Variants in ADAMTS18 observed in about 807,000 individuals in gnomAD.
ADAMTS18 encodes A disintegrin and metalloproteinase with thrombospondin motifs 18.
In ADAMTS18, 157 loss-of-function variants were observed where a neutral mutation model predicts 165.9. That is an observed-to-expected ratio of 0.95 (90% CI 0.83 to 1.08). ADAMTS18 has a LOEUF of 1.08. ADAMTS18 is among the 50% of genes least tolerant of loss of function. The pLI is 0.00. For missense variants in ADAMTS18, 2,040 were observed against 1,534.0 expected, an observed-to-expected ratio of 1.33 and a Z score of -5.51; for synonymous variants, 782 against 578.2, an observed-to-expected ratio of 1.35 and a Z score of -5.06.
At position 77,367,313 on chromosome 16, in the gene ADAMTS18, G is replaced by C. The variant is rs1567517281; in HGVS notation, c.778+128C>G. On this transcript the variant is annotated intron_variant, in intron 4 of 22. Transcript: ENST00000282849. ...ATTTGCCTGAGAGAGATAATTACTG[G>C]TCCTACACCAAGACAGATGCTCAGG... The C allele has an allele frequency of 3.1e-6, 3 of 980,860 alleles. No individual in the cohort carries two copies. The Admixed American group carries it at 5.8e-5, about 19-fold the overall frequency. The allele number at this position is 980,860 out of a possible 1,614,324, so 60.8% of individuals were successfully genotyped here.
chr16:77,420,324 G>A (rs2057585669), intron 3 of ADAMTS18, among the ~76,000 whole-genome samples: 1 of 152,026 alleles, frequency 6.6e-6, no homozygotes, highest in Admixed American at 6.6e-5. Context: ...TAAGATGATT[G>A]CATCTCTAAA....
intron 19 of ADAMTS18, 56 bp from the exon 20 acceptor site, chr16:77,293,314 TA>T (rs67517591): frequency 9.7e-3 from 10,804 of 1,109,504 alleles, no homozygotes; most frequent in Non-Finnish European, 0.011. Context: ...GTAGCCACAT[TA>T]AAAAAAAAAA....
rs764935211 is a variant in ADAMTS18 at position 77,335,721 on chromosome 16, G to A, written c.1859+35C>T. 1.5e-5 allele frequency: 25 copies of A among 1,613,686 alleles called. No homozygotes were observed. The South Asian group carries it at 2.4e-4, about 16-fold the overall frequency. On this transcript the variant is annotated intron_variant, in intron 12 of 22. Coordinates refer to ENST00000282849, the MANE Select transcript of ADAMTS18 (RefSeq NM_199355.4). ...AGCGTGTTACAGGCTGAAGGTTAAG[G>A]CCTTGCAAAGACTAACTTTCTGCTG...
chr16:77,303,751 G>A lies in ADAMTS18; in HGVS notation c.2533-3347C>T, dbSNP rs547998012. ...TATTTGGGTTAAAAATCAAGTGCTAGGGCCGGACGCGGGGGCTCGCGCCTG... is the reference window on the plus strand; with the variant it reads ...TATTTGGGTTAAAAATCAAGTGCTAAGGCCGGACGCGGGGGCTCGCGCCTG... On this transcript the variant is annotated intron_variant, in intron 16 of 22. Transcript: ENST00000282849. Among the ~76,000 whole-genome samples the A allele has an allele frequency of 2.6e-5, 4 of 152,260 alleles. No individual in the cohort carries two copies. In the East Asian group the frequency reaches 5.8e-4, roughly 22 times the overall value.
chr16:77,374,317 A>C (rs1280740065), intron 3 of ADAMTS18, among the ~76,000 whole-genome samples: 1 of 152,152 alleles, frequency 6.6e-6, no homozygotes, highest in Admixed American at 6.5e-5. Context: ...AACCAGACAT[A>C]GGAAGTGACA....
intron 3 of ADAMTS18, among the ~76,000 whole-genome samples, chr16:77,384,315 G>A (rs575602909): frequency 2.6e-3 from 402 of 152,138 alleles, no homozygotes; most frequent in Non-Finnish European, 4.3e-3. Flanking sequence ...CAGCCCCCTC[G>A]TAGGCTTCCA....
In ADAMTS18 at chr16:77,282,544, A is replaced by C. The variant is rs1443733688; in HGVS notation, c.*1412T>G. The C allele has an allele frequency of 2.0e-5, 3 of 152,640 alleles. No individual in the cohort carries two copies. The highest frequency in any genetic ancestry group is 4.4e-5 in the Non-Finnish European group (3 of 68,034). The allele number at this position is 152,640 out of a possible 1,614,324, so 9.5% of individuals were successfully genotyped here. A position where few individuals can be genotyped will look rare whatever the true frequency, so the allele number is the denominator to read the frequency against. Reference sequence around the variant, plus strand: ...AATTTAACAAACCACTGTCTAGTTGATTATGCTGAGCTGGCTAATCCAGCT... The same window carrying C: ...AATTTAACAAACCACTGTCTAGTTGCTTATGCTGAGCTGGCTAATCCAGCT... On this transcript the variant is annotated 3_prime_UTR_variant, in exon 23 of 23. Transcript: ENST00000282849.
At chr16:77,296,411 A>G (rs557371609) in intron 18 of ADAMTS18, among the ~76,000 whole-genome samples, 1 of 152,220 alleles carries the variant, frequency 6.6e-6, no homozygotes, top group East Asian at 1.9e-4. Context: ...CCCGCATAAT[A>G]TTATGATTTT....
At chr16:77,369,839 C>G (rs933288460) in intron 3 of ADAMTS18, among the ~76,000 whole-genome samples, 1 of 152,124 alleles carries the variant, frequency 6.6e-6, no homozygotes, top group Non-Finnish European at 1.5e-5. Context: ...AAATCCTCAA[C>G]AAAATACTAG....
At position 77,405,122 on chromosome 16, in the gene ADAMTS18, G is replaced by A. The variant is rs75837833; in HGVS notation, c.495+26173C>T. On this transcript the variant is annotated intron_variant, in intron 3 of 22. Coordinates refer to ENST00000282849, the MANE Select transcript of ADAMTS18 (RefSeq NM_199355.4). ...TCCAGACAAAGGGAGCATTTGTCTT[G>A]AAGCAGCACTTGGCCACCCCTGGGC... Among the ~76,000 whole-genome samples, 4 of 152,312 alleles carry A rather than the reference G, an allele frequency of 2.6e-5. No homozygotes were observed. In the East Asian group the frequency reaches 7.7e-4, roughly 29 times the overall value.
chr16:77,296,319 G>T (rs949826234), intron 18 of ADAMTS18, among the ~76,000 whole-genome samples: 6 of 152,122 alleles, frequency 3.9e-5, no homozygotes, highest in Non-Finnish European at 5.9e-5. Context: ...ATCATCAGCG[G>T]TGGAGTTACC....
intron 14 of ADAMTS18, among the ~76,000 whole-genome samples, chr16:77,321,894 G>A (rs1269936115): frequency 6.6e-6 from 1 of 151,880 alleles, no homozygotes; most frequent in African/African-American, 2.4e-5. Context: ...GGTGGCTCAC[G>A]CCTATAATCC....
intron 22 of ADAMTS18, among the ~76,000 whole-genome samples, chr16:77,287,075 T>G (rs1597075683): frequency 6.6e-6 from 1 of 152,112 alleles, no homozygotes; most frequent in Admixed American, 6.5e-5. Flanking sequence ...ATGGGCAGAA[T>G]GGTCTTCTCT....
Position 77,297,428 on chromosome 16 carries a change from C to T in ADAMTS18, c.2675-13G>A, listed in dbSNP as rs1261975516. The stretch of plus-strand genomic sequence containing the variant: ...ACATTTATGTAACCTGGTAAGACAT[C>T]AGAAGTGACAAAGTGAAAATTACAG... On this transcript the variant is annotated splice_polypyrimidine_tract_variant and intron_variant, in intron 17 of 22. Coordinates refer to ENST00000282849, the MANE Select transcript of ADAMTS18 (RefSeq NM_199355.4). The T allele has an allele frequency of 1.2e-6, 2 of 1,608,676 alleles. No homozygotes were observed. The highest frequency in any genetic ancestry group is 1.7e-6 in the Non-Finnish European group (2 of 1,175,218).
At chr16:77,317,902 C>T (rs142085132) in intron 16 of ADAMTS18, among the ~76,000 whole-genome samples, 4 of 152,246 alleles carry the variant, frequency 2.6e-5, no homozygotes, top group African/African-American at 7.2e-5. Flanking sequence ...GAAGAAGTAG[C>T]TACCTCTGAA....
intron 14 of ADAMTS18, among the ~76,000 whole-genome samples, chr16:77,322,090 G>A (rs2056009196): frequency 6.8e-6 from 1 of 147,978 alleles, no homozygotes; most frequent in South Asian, 2.1e-4. Context: ...AGGAGGCAGA[G>A]GTTACAGTGA....
chr16:77,322,590 T>C, intron 13 of ADAMTS18, 124 bp from the exon 14 acceptor site: 1 of 1,222,546 alleles, frequency 8.2e-7, no homozygotes, highest in Non-Finnish European at 1.2e-6. Context: ...AAAATGTGTG[T>C]GTTTGCACAT....
intron 21 of ADAMTS18, chr16:77,291,002 G>GTGGTAAGTGTTTTACATAC: frequency 2.4e-6 from 1 of 419,574 alleles, no homozygotes; most frequent in East Asian, 4.9e-5. Context: ...AACTGGCCTG[G>GTGGTAAGTGTTTTACATAC]TGGTAAGTGT....
At chr16:77,382,070 C>T (rs867560437) in intron 3 of ADAMTS18, among the ~76,000 whole-genome samples, 2 of 152,174 alleles carry the variant, frequency 1.3e-5, no homozygotes, top group Non-Finnish European at 2.9e-5. Context: ...TGCCTTGCAA[C>T]AGCCGCGCCA....
Sources: gnomAD v4.1 joint callset for allele counts (sites outside exome capture counted in the v4.1 genomes callset) on GRCh38, gnomAD v4.1.1 for gene constraint, MANE v1.5 for transcripts, NCBI Gene and HGNC (gene_info 2026-07-23, HGNC 2026-07-21) for gene names.